Variants in DNAJC7 observed in about 807,000 individuals in gnomAD.
DNAJC7 encodes the protein DnaJ heat shock protein family (Hsp40) member C7.
A neutral mutation model predicts 67.4 loss-of-function variants in DNAJC7; 18 were observed. That is an observed-to-expected ratio of 0.27 (90% CI 0.18 to 0.40). DNAJC7 has a LOEUF of 0.40. Among genes scored for constraint, DNAJC7 ranks in the 10% least tolerant of loss-of-function variants. DNAJC7 has a pLI of 1.00. For synonymous variants in DNAJC7, 220 were observed against 207.8 expected (o/e 1.06, Z -0.50); for missense variants, 419 against 613.8 (o/e 0.68, Z 3.35).
Position 41,990,701 on chromosome 17 carries a change from C to CT in DNAJC7, c.481-320dup, listed in dbSNP as rs1383282496. On this transcript the variant is annotated intron_variant, in intron 5 of 13. Transcript: ENST00000457167. The stretch of plus-strand genomic sequence containing the variant: ...TTTTTTTTTGAGATGGAGTCTCACT[C>CT]TGTCACCCAGGCTGGAGTGCAGTGG... Among the ~76,000 whole-genome samples, 3 of 149,874 alleles carry CT rather than the reference C, an allele frequency of 2.0e-5. No homozygotes were observed. In the East Asian group the frequency reaches 5.9e-4, roughly 29 times the overall value.
chr17:41,996,166 T>C (rs1217221899), intron 4 of DNAJC7, 145 bp downstream of exon 4: 6 of 693,608 alleles, frequency 8.7e-6, no homozygotes, highest in Non-Finnish European at 1.5e-5. Flanking sequence ...AGCTGAGGCT[T>C]AGAGAGGCTA....
chr17:42,008,261 G>A (rs568769892), intron 1 of DNAJC7, among the ~76,000 whole-genome samples: 17 of 148,084 alleles, frequency 1.1e-4, no homozygotes, highest in Admixed American at 5.4e-4. Context: ...GCAGTGAGCC[G>A]AGACTGTGCC....
intron 1 of DNAJC7, among the ~76,000 whole-genome samples, chr17:42,011,978 A>C (rs2052129932): frequency 6.6e-6 from 1 of 152,228 alleles, no homozygotes; most frequent in African/African-American, 2.4e-5. Flanking sequence ...TCCTAATCGC[A>C]AAGAGTGTAC....
chr17:41,983,496 T>C (rs1444919458), intron 10 of DNAJC7, 67 bp downstream of exon 10: 2 of 1,380,368 alleles, frequency 1.4e-6, no homozygotes, highest in Non-Finnish European at 2.0e-6. Flanking sequence ...TCAAACTACC[T>C]TGTGTACAGA....
chr17:41,996,549 C>T (rs1555648662), intron 3 of DNAJC7, 125 bp from the exon 4 acceptor site: 2 of 745,098 alleles, frequency 2.7e-6, no homozygotes, highest in East Asian at 2.8e-5. Context: ...CACCTGTAAT[C>T]CCAGCACTTT....
At chr17:41,981,283 G>A (rs1260216944) in intron 12 of DNAJC7, among the ~76,000 whole-genome samples, 3 of 151,846 alleles carry the variant, frequency 2.0e-5, no homozygotes, top group African/African-American at 4.8e-5. Context: ...TGCAACCTCC[G>A]CCTCCTGGGT....
At chr17:42,015,644 A>G (rs1183249884) in intron 1 of DNAJC7, 1 of 151,782 alleles carries the variant, frequency 6.6e-6, no homozygotes, top group Non-Finnish European at 1.5e-5. Context: ...GGAGATCGAG[A>G]CCATCGTGGC....
At chr17:41,993,416 G>A (rs1189373448) in intron 5 of DNAJC7, among the ~76,000 whole-genome samples, 4 of 152,122 alleles carry the variant, frequency 2.6e-5, no homozygotes, top group Non-Finnish European at 2.9e-5. Context: ...CCGAGATCCC[G>A]CCACTGCACT....
At chr17:41,992,254 C>G (rs1360089661) in intron 5 of DNAJC7, among the ~76,000 whole-genome samples, 1 of 152,100 alleles carries the variant, frequency 6.6e-6, no homozygotes, top group East Asian at 1.9e-4. Context: ...CTCACTGCAA[C>G]CTCTGCCTCC....
At chr17:42,001,628 C>T (rs1555649487) in intron 1 of DNAJC7, among the ~76,000 whole-genome samples, 1 of 152,120 alleles carries the variant, frequency 6.6e-6, no homozygotes, top group Non-Finnish European at 1.5e-5. Context: ...CTTTCTTTTC[C>T]TGTTGTTCAC....
chr17:42,006,258 A>G (rs1262547425), intron 1 of DNAJC7, among the ~76,000 whole-genome samples: 1 of 150,634 alleles, frequency 6.6e-6, no homozygotes, highest in Non-Finnish European at 1.5e-5. Context: ...GGTTCAAGCA[A>G]TTCTCCCACC....
At chr17:42,000,840 C>T in intron 1 of DNAJC7, 1 of 242,638 alleles carries the variant, frequency 4.1e-6, no homozygotes. Flanking sequence ...CCTCACCTCA[C>T]TATTTCTGCC....
At chr17:41,993,127 C>T (rs782714723) in intron 5 of DNAJC7, among the ~76,000 whole-genome samples, 1 of 152,244 alleles carries the variant, frequency 6.6e-6, no homozygotes, top group Non-Finnish European at 1.5e-5. Context: ...AAAAGACCAT[C>T]AGTCAATGTG....
chr17:41,987,659 G>T, intron 9 of DNAJC7, 160 bp downstream of exon 9: 1 of 561,118 alleles, frequency 1.8e-6, no homozygotes, highest in Non-Finnish European at 3.1e-6. Flanking sequence ...TCCGCTGGAG[G>T]TCTATAAAGA....
intron 1 of DNAJC7, among the ~76,000 whole-genome samples, chr17:42,004,765 T>G (rs782594734): frequency 6.6e-6 from 1 of 152,234 alleles, no homozygotes; most frequent in Non-Finnish European, 1.5e-5. Flanking sequence ...CTCACGCCTG[T>G]AATCCCAGCA....
intron 12 of DNAJC7, among the ~76,000 whole-genome samples, chr17:41,980,238 C>T (rs565895519): frequency 4.6e-5 from 7 of 151,820 alleles, no homozygotes; most frequent in South Asian, 2.1e-4. Context: ...TTCATAGAGA[C>T]GGGGTTTCAC....
intron 12 of DNAJC7, chr17:41,981,500 T>G (rs1598116545): frequency 5.3e-6 from 1 of 187,694 alleles, no homozygotes; most frequent in Admixed American, 5.6e-5. Context: ...AGCCTAATTT[T>G]TGTATTTTTA....
intron 5 of DNAJC7, among the ~76,000 whole-genome samples, chr17:41,993,101 A>G (rs1184317861): frequency 2.0e-5 from 3 of 152,248 alleles, no homozygotes; most frequent in Non-Finnish European, 4.4e-5. Flanking sequence ...CTAATCAGAT[A>G]TATACATTAC....
At chr17:41,977,552 C>T (rs2051123916) in intron 12 of DNAJC7, 1 of 403,226 alleles carries the variant, frequency 2.5e-6, no homozygotes, top group East Asian at 4.2e-5. Flanking sequence ...CCAACTGCTG[C>T]CCCAAAGGAA....
Sources: allele counts gnomAD v4.1 joint callset (sites outside exome capture counted in the v4.1 genomes callset), GRCh38; gene constraint gnomAD v4.1.1; transcripts MANE v1.5; gene names NCBI Gene and HGNC (gene_info 2026-07-23, HGNC 2026-07-21).